Variants in ZNF385D observed in about 807,000 individuals in gnomAD.
The protein encoded by ZNF385D is zinc finger protein 659.
ZNF385D carries 15 observed loss-of-function variants against 35.8 expected under a neutral mutation model. The ratio of observed to expected loss-of-function variants is 0.42; its 90% CI spans 0.28 to 0.64. ZNF385D has a LOEUF of 0.64. Among genes scored for constraint, ZNF385D ranks in the 30% least tolerant of loss-of-function variants. ZNF385D has a pLI of 0.23. For synonymous variants in ZNF385D, 212 were observed against 186.8 expected (o/e 1.13, Z -1.10); for missense variants, 474 against 494.6 (o/e 0.96, Z 0.39).
intron 3 of ZNF385D, among the ~76,000 whole-genome samples, chr3:22,039,334 T>C (rs1698526738): frequency 6.6e-6 from 1 of 151,324 alleles, no homozygotes; most frequent in Non-Finnish European, 1.5e-5. Context: ...CCAGAAAATG[T>C]CAACTTCCTA....
At chr3:22,108,035 C>T (rs945446136) in intron 3 of ZNF385D, among the ~76,000 whole-genome samples, 1 of 151,480 alleles carries the variant, frequency 6.6e-6, no homozygotes, top group Non-Finnish European at 1.5e-5. Context: ...AGAAAGAACG[C>T]CCTTACTAGA....
chr3:22,144,572 CAAAAAAAAAAAAAAAAAAA>C (rs10536394), intron 3 of ZNF385D, among the ~76,000 whole-genome samples: 1 of 67,548 alleles, frequency 1.5e-5, no homozygotes, highest in Non-Finnish European at 2.5e-5. Context: ...GACTCCATTT[CAAAAAAAAAAAAAAAAAAA>C]AAAAAAAAAG....
At chr3:22,213,970 A>G (rs1410663435) in intron 2 of ZNF385D, among the ~76,000 whole-genome samples, 1 of 152,034 alleles carries the variant, frequency 6.6e-6, no homozygotes, top group Non-Finnish European at 1.5e-5. Flanking sequence ...GTAAAGACCT[A>G]TTCATCACAC....
At chr3:21,975,804 T>C (rs1487312416) in intron 3 of ZNF385D, among the ~76,000 whole-genome samples, 2 of 144,988 alleles carry the variant, frequency 1.4e-5, no homozygotes, top group African/African-American at 5.3e-5. Flanking sequence ...GTAACTACTA[T>C]GTACCCATGA....
intron 2 of ZNF385D, among the ~76,000 whole-genome samples, chr3:22,285,680 C>G (rs539996302): frequency 1.1e-4 from 17 of 152,208 alleles, no homozygotes; most frequent in South Asian, 2.1e-4. Flanking sequence ...TCTCCCTCCC[C>G]CCTCTCCCCA....
intron 1 of ZNF385D, among the ~76,000 whole-genome samples, chr3:21,743,784 A>G (rs138417564): frequency 5.3e-5 from 8 of 152,360 alleles, no homozygotes; most frequent in African/African-American, 9.6e-5. Context: ...CATTCAGTCC[A>G]TAACACCGAT....
At chr3:21,572,327 G>T (rs968155601) in intron 2 of ZNF385D, among the ~76,000 whole-genome samples, 3 of 152,058 alleles carry the variant, frequency 2.0e-5, no homozygotes, top group African/African-American at 7.2e-5. Context: ...ATATGGAAAT[G>T]ATATTTATTT....
chr3:22,190,102 C>T (rs957031828), intron 2 of ZNF385D, among the ~76,000 whole-genome samples: 1 of 152,136 alleles, frequency 6.6e-6, no homozygotes, highest in Non-Finnish European at 1.5e-5. Flanking sequence ...AAACAGTATT[C>T]TTGGTAAGTG....
chr3:21,727,821 C>T (rs780975251), intron 1 of ZNF385D, among the ~76,000 whole-genome samples: 1 of 152,134 alleles, frequency 6.6e-6, no homozygotes, highest in Admixed American at 6.5e-5. Context: ...TGGGTATATA[C>T]CCCAAGGATT....
intron 2 of ZNF385D, among the ~76,000 whole-genome samples, chr3:21,607,455 C>T (rs1475289471): frequency 1.3e-5 from 2 of 152,146 alleles, no homozygotes; most frequent in Non-Finnish European, 1.5e-5. Context: ...CAAGTGTATA[C>T]TCTTTGTATT....
intron 3 of ZNF385D, among the ~76,000 whole-genome samples, chr3:22,160,418 A>C (rs1559416828): frequency 6.6e-6 from 1 of 152,116 alleles, no homozygotes; most frequent in East Asian, 1.9e-4. Context: ...ATAAATGATA[A>C]ATATATACAT....
chr3:22,340,280 T>G (rs573192304), intron 2 of ZNF385D, among the ~76,000 whole-genome samples: 19 of 152,154 alleles, frequency 1.2e-4, no homozygotes, highest in Non-Finnish European at 1.8e-4. Context: ...AGGTCTGGGT[T>G]CTAAAATGGA....
chr3:21,585,932 G>A (rs1198343913), intron 2 of ZNF385D, among the ~76,000 whole-genome samples: 1 of 152,100 alleles, frequency 6.6e-6, no homozygotes, highest in Non-Finnish European at 1.5e-5. Context: ...ACTTTGAGAG[G>A]GTGAGGTAGG....
intron 2 of ZNF385D, among the ~76,000 whole-genome samples, chr3:21,571,220 A>C (rs1458693490): frequency 1.3e-5 from 2 of 152,180 alleles, no homozygotes; most frequent in Non-Finnish European, 2.9e-5. Context: ...CACTTCATAA[A>C]AATATAAGTA....
intron 2 of ZNF385D, among the ~76,000 whole-genome samples, chr3:22,184,785 A>T (rs1244634888): frequency 1.3e-5 from 2 of 152,100 alleles, no homozygotes; most frequent in Non-Finnish European, 2.9e-5. Context: ...CCGGGTGACA[A>T]GAGTGAAACT....
rs745374863 is a variant in ZNF385D, at chr3:21,777,742, G to T, written c.326-112714C>A. 37 of 151,640 alleles carry T rather than the reference G, an allele frequency of 2.4e-4. 1 individual carries two copies. Among genetic ancestry groups the T allele is most frequent in the Admixed American group, 1.3e-4 (2 of 15,200 alleles). The allele number at this position is 151,640 out of a possible 1,614,324, so 9.4% of individuals were successfully genotyped here. On this transcript the variant is annotated intron_variant, in intron 3 of 5. Coordinates refer to the ZNF385D transcript ENST00000494108. Reference sequence around the variant, plus strand: ...TATATTTCAACTACTGCCTTATTTTGTACTTGGTTTTGTGACCAGTTTGAC... The same window carrying T: ...TATATTTCAACTACTGCCTTATTTTTTACTTGGTTTTGTGACCAGTTTGAC...
chr3:21,479,262 T>C (rs1048247656), intron 4 of ZNF385D, among the ~76,000 whole-genome samples: 1 of 151,950 alleles, frequency 6.6e-6, no homozygotes, highest in African/African-American at 2.4e-5. Flanking sequence ...CAGGATACAC[T>C]TGAGAAATTT....
chr3:22,008,372 T>TTTTTTTTTTTTTTTG (rs1696352106), intron 3 of ZNF385D, among the ~76,000 whole-genome samples: 1 of 150,556 alleles, frequency 6.6e-6, no homozygotes, highest in East Asian at 1.9e-4. Context: ...TTTTTTTTTT[T>TTTTTTTTTTTTTTTG]GAGGCGGAGT....
At chr3:22,229,355 C>T (rs945281013) in intron 2 of ZNF385D, among the ~76,000 whole-genome samples, 6 of 152,182 alleles carry the variant, frequency 3.9e-5, no homozygotes, top group African/African-American at 4.8e-5. Context: ...GTGACCCCAA[C>T]TTAGGTTGTG....
Sources: gnomAD v4.1 joint callset for allele counts (sites outside exome capture counted in the v4.1 genomes callset) on GRCh38, gnomAD v4.1.1 for gene constraint, MANE v1.5 for transcripts, NCBI Gene and HGNC (gene_info 2026-07-23, HGNC 2026-07-21) for gene names.